SLC2A14: variants seen among roughly 807,000 people sequenced by gnomAD.
SLC2A14 encodes solute carrier family 2, facilitated glucose transporter member 14.
Under a neutral mutation model 43.0 loss-of-function variants are expected in SLC2A14, and 13 were observed. The observed-to-expected ratio is 0.30, with a 90% CI of 0.20 to 0.48. SLC2A14 has a LOEUF of 0.48. Ranked by LOEUF, SLC2A14 falls within the 20% of genes least tolerant of loss-of-function variation. The probability of loss-of-function intolerance (pLI) is 0.99; values close to 1 mark genes in which losing one functional copy is unlikely to be tolerated. For synonymous variants in SLC2A14, 190 were observed against 233.8 expected (o/e 0.81, Z 1.71); for missense variants, 428 against 620.4 (o/e 0.69, Z 3.29).
chr12:7,890,972 C>T, intron 1 of SLC2A14: 1 of 1,525,256 alleles, frequency 6.6e-7, no homozygotes, highest in Non-Finnish European at 8.8e-7. Context: ...TGCCTTGAAG[C>T]ATGATCTATC....
chr12:7,829,692 G>A, intron 5 of SLC2A14, 74 bp downstream of exon 5: 2 of 1,575,260 alleles, frequency 1.3e-6, no homozygotes, highest in Non-Finnish European at 1.7e-6. Context: ...ATATTCTTCA[G>A]TGCTTTACCT....
At chr12:7,869,820 C>G in intron 2 of SLC2A14, 43 bp downstream of exon 2, 3 of 1,289,042 alleles carry the variant, frequency 2.3e-6, no homozygotes, top group Non-Finnish European at 3.2e-6. Flanking sequence ...CAACATAACT[C>G]TGACAAACCA....
intron 2 of SLC2A14, chr12:7,839,812 G>T (rs2120845776): frequency 2.2e-6 from 1 of 451,530 alleles, no homozygotes; most frequent in Non-Finnish European, 4.4e-6. Context: ...GATGGCTCAT[G>T]CCTGTAATCT....
chr12:7,861,236 AAT>A (rs1944540136), intron 2 of SLC2A14, among the ~76,000 whole-genome samples: 1 of 152,170 alleles, frequency 6.6e-6, no homozygotes, highest in South Asian at 2.1e-4. Context: ...AGTTTGGAGC[AAT>A]AGTCTTTTTT....
intron 1 of SLC2A14, among the ~76,000 whole-genome samples, chr12:7,879,356 G>A (rs911098517): frequency 5.3e-5 from 8 of 150,772 alleles, no homozygotes; most frequent in Middle Eastern, 6.9e-3. Flanking sequence ...TTGCACCCCA[G>A]CCTGGATGAC....
In SLC2A14 at chr12:7,880,410, G is replaced by A. The variant is rs141377059; in HGVS notation, c.132+10586C>T. Reference sequence around the variant, plus strand: ...GAATCGCTTGAACCCAGGAGGCGGAGGTTGTAGTGAGCCAAGATCACACCA... The same window carrying A: ...GAATCGCTTGAACCCAGGAGGCGGAAGTTGTAGTGAGCCAAGATCACACCA... On this transcript the variant is annotated intron_variant, in intron 1 of 9. Transcript: ENST00000539924. Among the ~76,000 whole-genome samples the A allele has an allele frequency of 4.7e-3, 717 of 151,650 alleles. 7 individuals are homozygous for A. The highest frequency in any genetic ancestry group is 6.0e-3 in the Non-Finnish European group (408 of 67,928).
At chr12:7,874,814 ATT>A (rs747858798), upstream of SLC2A14, among the ~76,000 whole-genome samples, 5 of 68,952 alleles carry the variant, frequency 7.3e-5, no homozygotes, top group Admixed American at 1.7e-4. Flanking sequence ...ATAAATACGT[ATT>A]TATATATAAA....
chr12:7,889,926 C>G (rs1006797630), intron 1 of SLC2A14, among the ~76,000 whole-genome samples: 6 of 145,052 alleles, frequency 4.1e-5, no homozygotes, highest in Non-Finnish European at 7.8e-5. Context: ...GGTAACTTCC[C>G]CAGGTTGCCT....
intron 8 of SLC2A14, 126 bp downstream of exon 8, chr12:7,821,095 T>C: frequency 1.4e-6 from 1 of 709,394 alleles, no homozygotes; most frequent in Non-Finnish European, 2.2e-6. Context: ...TCAAAAAATT[T>C]AAAAAAATAA....
At chr12:7,845,588 C>A (rs1866398955) in intron 2 of SLC2A14, among the ~76,000 whole-genome samples, 1 of 148,968 alleles carries the variant, frequency 6.7e-6, no homozygotes, top group South Asian at 2.1e-4. Context: ...GACCATCCTG[C>A]CTAACATGGT....
intron 2 of SLC2A14, among the ~76,000 whole-genome samples, chr12:7,839,539 C>A (rs1292050174): frequency 2.0e-5 from 3 of 151,840 alleles, no homozygotes; most frequent in Non-Finnish European, 2.9e-5. Context: ...CAGGAAGCTA[C>A]GAAGCCATTT....
At chr12:7,853,249 A>G (rs2120941229) in intron 2 of SLC2A14, among the ~76,000 whole-genome samples, 1 of 151,530 alleles carries the variant, frequency 6.6e-6, no homozygotes, top group African/African-American at 2.4e-5. Flanking sequence ...GAGCAGCCTG[A>G]CCAACATGGT....
intron 5 of SLC2A14, 121 bp from the exon 6 acceptor site, chr12:7,828,987 C>A (rs1159280864): frequency 2.4e-6 from 3 of 1,248,886 alleles, no homozygotes; most frequent in Non-Finnish European, 3.3e-6. Flanking sequence ...CTTTGGAAGG[C>A]TGAGGCAGGT....
intron 1 of SLC2A14, among the ~76,000 whole-genome samples, chr12:7,881,353 G>C (rs771513541): frequency 3.3e-5 from 5 of 151,866 alleles, no homozygotes; most frequent in Admixed American, 3.3e-4. Flanking sequence ...GTTTGGGCTC[G>C]GCGGGCCCCG....
chr12:7,862,387 G>A (rs955400479), intron 2 of SLC2A14, among the ~76,000 whole-genome samples: 10 of 151,966 alleles, frequency 6.6e-5, no homozygotes, highest in Non-Finnish European at 1.5e-4. Flanking sequence ...CCGGCGCTGC[G>A]CTCGATTTCT....
At chr12:7,875,757 G>T (rs1945453488), upstream of SLC2A14, among the ~76,000 whole-genome samples, 1 of 152,094 alleles carries the variant, frequency 6.6e-6, no homozygotes, top group Admixed American at 6.6e-5. Context: ...TGGATTACCT[G>T]AGGTCAGGCG....
rs1273241928 is a variant in SLC2A14 at position 7,826,848 on chromosome 12, T to C, written c.864+647A>G. Among the ~76,000 whole-genome samples the C allele has an allele frequency of 1.9e-4, 2 of 10,352 alleles. 1 individual carries two copies. The highest frequency in any genetic ancestry group is 8.8e-3 in the South Asian group (2 of 228). The allele number at this position is 10,352 out of a possible 152,430, so 6.8% of individuals were successfully genotyped here. A position where few individuals can be genotyped will look rare whatever the true frequency, so the allele number is the denominator to read the frequency against. Reference sequence around the variant, plus strand: ...TTCTTTCTTTCTTTCCTTCCTTCCTTCCTTCCTTTCTTTTTTCTTTCTTTC... The same window carrying C: ...TTCTTTCTTTCTTTCCTTCCTTCCTCCCTTCCTTTCTTTTTTCTTTCTTTC... On this transcript the variant is annotated intron_variant, in intron 7 of 10. Coordinates refer to ENST00000431042, the MANE Select transcript of SLC2A14 (RefSeq NM_001286234.2).
intron 1 of SLC2A14, among the ~76,000 whole-genome samples, chr12:7,885,142 A>T (rs1592336261): frequency 6.6e-6 from 1 of 151,836 alleles, no homozygotes. Flanking sequence ...TGAGTCAGAA[A>T]TTTTTTTTTC....
chr12:7,878,337 C>T (rs1278728201), upstream of SLC2A14, among the ~76,000 whole-genome samples: 3 of 152,104 alleles, frequency 2.0e-5, no homozygotes, highest in African/African-American at 7.2e-5. Context: ...AGGTGTCAGT[C>T]ACTGTGCCAG....
Sources: allele counts gnomAD v4.1 joint callset (sites outside exome capture counted in the v4.1 genomes callset), GRCh38; gene constraint gnomAD v4.1.1; transcripts MANE v1.5; gene names NCBI Gene and HGNC (gene_info 2026-07-23, HGNC 2026-07-21).